The following DHCR24 variants were observed in gnomAD, a reference collection of about 807,000 sequenced individuals.
DHCR24 encodes the protein delta(24)-sterol reductase.
DHCR24 carries 28 observed loss-of-function variants against 61.2 expected under a neutral mutation model. The observed-to-expected ratio is 0.46, with a 90% confidence interval of 0.34 to 0.63. DHCR24 has a LOEUF of 0.63. DHCR24 is among the 20% of genes least tolerant of loss of function. The probability of loss-of-function intolerance (pLI) is 0.01; values close to 1 mark genes in which losing one functional copy is unlikely to be tolerated. For synonymous variants in DHCR24, 261 were observed against 275.9 expected, an observed-to-expected ratio of 0.95 and a Z score of 0.54; for missense variants, 538 against 679.1, an observed-to-expected ratio of 0.79 and a Z score of 2.31.
chr1:54,868,802 T>C (rs1646981516), intron 5 of DHCR24, among the ~76,000 whole-genome samples: 1 of 152,026 alleles, frequency 6.6e-6, no homozygotes. Context: ...GTGCAGTGGG[T>C]CACGCCTGTA....
intron 6 of DHCR24, among the ~76,000 whole-genome samples, chr1:54,863,629 A>G (rs1646950747): frequency 6.6e-6 from 1 of 152,242 alleles, no homozygotes; most frequent in Admixed American, 6.5e-5. Context: ...AAGAAAACAA[A>G]GGGGCTTGGA....
chr1:54,886,708 C>G, intron 1 of DHCR24, 181 bp downstream of exon 1: 2 of 1,464,928 alleles, frequency 1.4e-6, no homozygotes, highest in African/African-American at 1.4e-5. Context: ...TTTGCCTGTT[C>G]TGTTCCCCCG....
intron 2 of DHCR24, among the ~76,000 whole-genome samples, chr1:54,878,855 T>C (rs1471456198): frequency 6.6e-6 from 1 of 151,988 alleles, no homozygotes; most frequent in East Asian, 1.9e-4. Flanking sequence ...CCAATAGAAT[T>C]TTACCAGGCA....
At chr1:54,859,692 G>A (rs550461361) in intron 6 of DHCR24, among the ~76,000 whole-genome samples, 29 of 152,038 alleles carry the variant, frequency 1.9e-4, no homozygotes, top group Non-Finnish European at 3.8e-4. Context: ...AGTTACTTTG[G>A]ATAACCTAAT....
At chr1:54,877,997 C>T (rs113563712) in intron 2 of DHCR24, among the ~76,000 whole-genome samples, 7 of 140,718 alleles carry the variant, frequency 5.0e-5, no homozygotes, top group East Asian at 2.2e-4. Flanking sequence ...CAGGGCGAGA[C>T]TCTGTCTCAA....
chr1:54,861,152 G>A (rs888633986), intron 6 of DHCR24, among the ~76,000 whole-genome samples: 1 of 152,120 alleles, frequency 6.6e-6, no homozygotes, highest in Admixed American at 6.5e-5. Context: ...CTGGAGGAGG[G>A]GACAGAAATT....
chr1:54,852,230 A>G lies in DHCR24; in HGVS notation c.*3T>C, dbSNP rs763567908. ...GTGTCTGTCTCTCCAGGCGGGCTCC[A>G]GCTCAGTGCCTGGCGGCCTTGCAGA... is the stretch of plus-strand genomic sequence containing the variant. On this transcript the variant is annotated 3_prime_UTR_variant, in exon 9 of 9. Transcript: ENST00000371269. 4 of 1,614,092 alleles carry G rather than the reference A, an allele frequency of 2.5e-6. No homozygotes were observed. Among genetic ancestry groups the G allele is most frequent in the Non-Finnish European group, 3.4e-6 (4 of 1,180,048 alleles).
rs888962879 is a variant in DHCR24 at position 54,886,508 on chromosome 1, C to T, written c.231+381G>A. 59 of 988,684 alleles carry T rather than the reference C, an allele frequency of 6.0e-5. 1 individual carries two copies. In the South Asian group the frequency reaches 7.3e-4, roughly 12 times the overall value. 61.2% of individuals were successfully genotyped at this position (988,684 alleles called of 1,614,324 possible). The stretch of plus-strand genomic sequence containing the variant: ...CAGCATTTGCTCACACCAGTCCCTC[C>T]ACCCACACACCTTCCCCCAATCATT... On this transcript the variant is annotated intron_variant, in intron 1 of 8. Transcript: ENST00000371269.
At position 54,883,467 on chromosome 1, in the gene DHCR24, G is replaced by A; in HGVS notation, c.387+151C>T. 9.9e-7 allele frequency: 1 copy of A among 1,011,076 alleles called. No individual in the cohort carries two copies. The highest frequency in any genetic ancestry group is 2.4e-5 in the East Asian group (1 of 41,918). 62.6% of individuals were successfully genotyped at this position (1,011,076 alleles called of 1,614,324 possible). A position where few individuals can be genotyped will look rare whatever the true frequency, so the allele number is the denominator to read the frequency against. The stretch of plus-strand genomic sequence containing the variant: ...TCCCCTGGTGGCTGTGAGGCTTGAG[G>A]ACAGCAATGGCAGGGAGTATCTTCT... On this transcript the variant is annotated intron_variant, in intron 2 of 8. Coordinates refer to ENST00000371269, the MANE Select transcript of DHCR24 (RefSeq NM_014762.4). The surrounding 1 kb of genome is among the most constrained non-coding windows in gnomAD (Gnocchi z 4.3).
At chr1:54,879,095 A>G (rs607762) in intron 2 of DHCR24, among the ~76,000 whole-genome samples, 136,684 of 152,210 alleles carry the variant, frequency 0.9, 61,442 homozygotes, top group East Asian at 0.99. Context: ...CAAGCCAGGC[A>G]GATCACCTGA....
In DHCR24 at chr1:54,887,149, G is replaced by C. The variant is rs770540090; in HGVS notation, c.-30C>G. 2.0e-6 allele frequency: 3 copies of C among 1,530,738 alleles called. No individual in the cohort carries two copies. Among genetic ancestry groups the C allele is most frequent in the East Asian group, 2.4e-5 (1 of 40,832 alleles). 94.8% of individuals were successfully genotyped at this position (1,530,738 alleles called of 1,614,324 possible). On this transcript the variant is annotated 5_prime_UTR_variant, in exon 1 of 9. Transcript: ENST00000371269. ...CGGCGCCGCGCGGTAAGCGCTGCGGGTTCGCGCCTCCTGTCACTGCCGCCA... is the reference window on the plus strand; with the variant it reads ...CGGCGCCGCGCGGTAAGCGCTGCGGCTTCGCGCCTCCTGTCACTGCCGCCA...
Position 54,871,500 on chromosome 1 carries a change from G to GA in DHCR24, c.725dup (p.Glu243ArgfsTer34), listed in dbSNP as rs1557436260. The GA allele has an allele frequency of 6.2e-7, 1 of 1,614,204 alleles. No individual in the cohort carries two copies. Among genetic ancestry groups the GA allele is most frequent in the East Asian group, 2.2e-5 (1 of 44,878 alleles). ...TAGCCTCCAGGCCCCGCACTGGCTC[G>GA]AAACGCAGCTTGACGTACTTCTTGG... On this transcript the variant is annotated frameshift_variant, in exon 5 of 9. Transcript: ENST00000371269. LOFTEE classifies it high-confidence loss of function.
At chr1:54,856,462 G>C (rs551744326) in intron 6 of DHCR24, among the ~76,000 whole-genome samples, 3 of 152,112 alleles carry the variant, frequency 2.0e-5, no homozygotes, top group Non-Finnish European at 1.5e-5. Context: ...TTAGCCGGGC[G>C]TGGTGGCGGG....
At chr1:54,863,665 C>T (rs1326416181) in intron 6 of DHCR24, among the ~76,000 whole-genome samples, 1 of 152,214 alleles carries the variant, frequency 6.6e-6, no homozygotes, top group African/African-American at 2.4e-5. Flanking sequence ...TTATATATGG[C>T]ACTAAAAGCA....
Position 54,852,260 on chromosome 1 carries a change from G to A in DHCR24, c.1524C>T (p.Asp508=), listed in dbSNP as rs1427694135. ...AGTGCCTGGCGGCCTTGCAGATCTT[G>A]TCGTACACCTCGGGGAAGGCGTCCT... ...GCQDAFPEVY[D]KICKAARH The change falls in exon 9 of 9, where the codon GAC becomes GAT. Residue 508 remains aspartate (D), a synonymous_variant. Transcript: ENST00000371269. 1.2e-6 allele frequency: 2 copies of A among 1,614,226 alleles called. No homozygotes were observed. The highest frequency in any genetic ancestry group is 2.7e-5 in the African/African-American group (2 of 75,058).
At position 54,853,504 on chromosome 1, in the gene DHCR24, G is replaced by T; in HGVS notation, c.1327C>A (p.Pro443Thr). 6.2e-7 allele frequency: 1 copy of T among 1,614,202 alleles called. No homozygotes were observed. The highest frequency in any genetic ancestry group is 8.5e-7 in the Non-Finnish European group (1 of 1,180,032). ...CTGGCTTCAAAGTGTTTCACACGCGGCTCCCCATATGCTCCAATGTCGATG... is the reference window on the plus strand; with the variant it reads ...CTGGCTTCAAAGTGTTTCACACGCGTCTCCCCATATGCTCCAATGTCGATG... ...LYIDIGAYGE[P>T]RVKHFEARSC... is the part of the protein sequence containing the mutation. The change falls in exon 8 of 9, where the codon CCG becomes ACG. Residue 443 changes from proline to threonine, a missense_variant. Pro to Thr is a conservative substitution (Grantham distance 38, BLOSUM62 -1). Coordinates refer to ENST00000371269, the MANE Select transcript of DHCR24 (RefSeq NM_014762.4).
chr1:54,856,360 G>C (rs1448873358), intron 6 of DHCR24, among the ~76,000 whole-genome samples: 1 of 152,200 alleles, frequency 6.6e-6, no homozygotes, highest in East Asian at 1.9e-4. Flanking sequence ...CGCTTTGGGA[G>C]GCTGAGCGGG....
At chr1:54,868,796 A>G (rs981124942) in intron 5 of DHCR24, among the ~76,000 whole-genome samples, 2 of 152,096 alleles carry the variant, frequency 1.3e-5, no homozygotes. Flanking sequence ...GGCTGGGTGC[A>G]GTGGGTCACG....
intron 8 of DHCR24, 93 bp downstream of exon 8, chr1:54,853,341 C>T (rs1353505329): frequency 2.6e-6 from 4 of 1,523,444 alleles, no homozygotes; most frequent in African/African-American, 2.7e-5. Context: ...AGGCTTGGGG[C>T]TCCTGGTTCT....
Sources: gnomAD v4.1 joint callset for allele counts (sites outside exome capture counted in the v4.1 genomes callset) on GRCh38, gnomAD v4.1.1 for gene constraint, Gnocchi (gnomAD v3.1) non-coding constraint, MANE v1.5 for transcripts, NCBI Gene and HGNC (gene_info 2026-07-23, HGNC 2026-07-21) for gene names.